RANBP2: variants seen among roughly 807,000 people sequenced by gnomAD.
The protein encoded by RANBP2 is E3 SUMO-protein ligase RanBP2.
A neutral mutation model predicts 303.6 loss-of-function variants in RANBP2; 57 were observed. The ratio of observed to expected loss-of-function variants is 0.19; its 90% CI spans 0.15 to 0.23. The LOEUF is 0.23. Among genes scored for constraint, RANBP2 ranks in the 10% least tolerant of loss-of-function variants. The pLI, the probability that RANBP2 is intolerant of heterozygous loss-of-function variation, is 1.00. For synonymous variants in RANBP2, 1,167 were observed against 1,301.5 expected, an observed-to-expected ratio of 0.90 and a Z score of 2.23; for missense variants, 3,138 against 3,780.8, an observed-to-expected ratio of 0.83 and a Z score of 4.46.
At chr2:108,861,845 C>A in the RANBP2 span, among the ~76,000 whole-genome samples, 1 of 152,114 alleles carries the variant, frequency 6.6e-6, no homozygotes, top group Non-Finnish European at 1.5e-5. Context: ...CCTAAACTTT[C>A]TTCTTAGCAC....
At chr2:108,763,069 G>C (rs1258286663) in intron 19 of RANBP2, among the ~76,000 whole-genome samples, 168 bp from the exon 20 acceptor site, 1 of 152,124 alleles carries the variant, frequency 6.6e-6, no homozygotes, top group East Asian at 1.9e-4. Context: ...TTTTCACACA[G>C]AAAATTTGCA....
the RANBP2 span, among the ~76,000 whole-genome samples, chr2:109,699,907 G>T: frequency 6.6e-6 from 1 of 152,174 alleles, no homozygotes; most frequent in African/African-American, 2.4e-5. Flanking sequence ...CAATCATAGG[G>T]CTTATCTGGT....
At chr2:109,538,788 G>A in the RANBP2 span, among the ~76,000 whole-genome samples, 1 of 152,150 alleles carries the variant, frequency 6.6e-6, no homozygotes, top group Non-Finnish European at 1.5e-5. Flanking sequence ...CAAAGTGCTG[G>A]AATTACAGGC....
At chr2:109,608,722 TA>T in the RANBP2 span, among the ~76,000 whole-genome samples, 1 of 152,248 alleles carries the variant, frequency 6.6e-6, no homozygotes, top group African/African-American at 2.4e-5. Context: ...GACTATGAGA[TA>T]CATGATTCCT....
chr2:109,005,351 A>G, the RANBP2 span, among the ~76,000 whole-genome samples: 4 of 152,132 alleles, frequency 2.6e-5, no homozygotes, highest in Admixed American at 2.6e-4. Flanking sequence ...CAAATTCCTG[A>G]TCTCCACAAG....
chr2:109,341,534 G>A, the RANBP2 span, among the ~76,000 whole-genome samples: 1 of 152,188 alleles, frequency 6.6e-6, no homozygotes, highest in African/African-American at 2.4e-5. Flanking sequence ...GAGACTTCCT[G>A]AGTGAGTCAG....
the RANBP2 span, among the ~76,000 whole-genome samples, chr2:109,040,171 T>C: frequency 6.6e-6 from 1 of 152,210 alleles, no homozygotes; most frequent in Non-Finnish European, 1.5e-5. Context: ...TCTTTCCCCA[T>C]ATGGATATTT....
At chr2:109,194,278 C>T in the RANBP2 span, among the ~76,000 whole-genome samples, 8 of 152,208 alleles carry the variant, frequency 5.3e-5, no homozygotes, top group East Asian at 1.9e-4. Flanking sequence ...ACACAGATGC[C>T]GGTCTTGTGT....
chr2:109,428,144 A>G, the RANBP2 span, among the ~76,000 whole-genome samples: 1 of 152,192 alleles, frequency 6.6e-6, no homozygotes, highest in African/African-American at 2.4e-5. Context: ...CGCCTCCCTA[A>G]TTCGAGCCAG....
At chr2:109,265,634 G>A in the RANBP2 span, among the ~76,000 whole-genome samples, 1 of 152,248 alleles carries the variant, frequency 6.6e-6, no homozygotes, top group Non-Finnish European at 1.5e-5. Context: ...GTCCTGCCAG[G>A]TGGCCAACGC....
the RANBP2 span, among the ~76,000 whole-genome samples, chr2:109,194,438 C>T: frequency 6.6e-6 from 1 of 152,354 alleles, no homozygotes; most frequent in East Asian, 1.9e-4. Flanking sequence ...GCGCTCTCGG[C>T]TGGCTGATGG....
the RANBP2 span, among the ~76,000 whole-genome samples, chr2:109,138,468 T>C: frequency 6.6e-6 from 1 of 152,356 alleles, no homozygotes; most frequent in East Asian, 1.9e-4. Flanking sequence ...AAGGCTGTTG[T>C]AAAAATTAGC....
chr2:109,432,660 A>T, the RANBP2 span: 1 of 1,611,888 alleles, frequency 6.2e-7, no homozygotes. Context: ...ACTACGTGAC[A>T]CCCGTTTCCA....
the RANBP2 span, among the ~76,000 whole-genome samples, chr2:109,108,630 C>G: frequency 6.6e-6 from 1 of 152,150 alleles, no homozygotes; most frequent in African/African-American, 2.4e-5. Flanking sequence ...TTGTGCCAAC[C>G]CTAACCTGGA....
the RANBP2 span, among the ~76,000 whole-genome samples, chr2:109,720,295 A>C: frequency 1.0e-4 from 10 of 95,472 alleles, no homozygotes; most frequent in African/African-American, 3.4e-4. Context: ...ACACACACAC[A>C]TATATATATA....
At chr2:109,702,609 C>A in the RANBP2 span, among the ~76,000 whole-genome samples, 1 of 152,150 alleles carries the variant, frequency 6.6e-6, no homozygotes, top group African/African-American at 2.4e-5. Flanking sequence ...GTAAGACATA[C>A]CCTTGTACTC....
the RANBP2 span, among the ~76,000 whole-genome samples, chr2:109,243,730 T>A: frequency 4.6e-5 from 7 of 152,070 alleles, no homozygotes; most frequent in African/African-American, 1.7e-4. Context: ...TTGAGCATGG[T>A]GTTTTCAGAG....
At chr2:109,061,626 A>C in the RANBP2 span, among the ~76,000 whole-genome samples, 10 of 152,340 alleles carry the variant, frequency 6.6e-5, no homozygotes, top group Non-Finnish European at 1.0e-4. Context: ...GTCATGGCTA[A>C]TAAATGCAAT....
At chr2:109,401,888 C>G in the RANBP2 span, among the ~76,000 whole-genome samples, 1 of 152,228 alleles carries the variant, frequency 6.6e-6, no homozygotes, top group Non-Finnish European at 1.5e-5. Flanking sequence ...CCTGGCTCCA[C>G]AGGGATTAGA....
Sources: gnomAD v4.1 joint callset for allele counts (sites outside exome capture counted in the v4.1 genomes callset) on GRCh38, gnomAD v4.1.1 for gene constraint, MANE v1.5 for transcripts, NCBI Gene and HGNC (gene_info 2026-07-23, HGNC 2026-07-21) for gene names.